TMCO4: variants seen among roughly 807,000 people sequenced by gnomAD.
The protein encoded by TMCO4 is transmembrane and coiled-coil domains 4.
TMCO4 carries 58 observed loss-of-function variants against 64.7 expected under a neutral mutation model. That is an observed-to-expected ratio of 0.90 (90% confidence interval 0.73 to 1.12). TMCO4 has a LOEUF of 1.12. Ranked by LOEUF, TMCO4 falls within the 50% of genes most tolerant of loss-of-function variation. TMCO4 has a pLI of 0.00. For missense variants in TMCO4, 780 were observed against 825.9 expected, an observed-to-expected ratio of 0.94 and a Z score of 0.68; for synonymous variants, 325 against 346.1, an observed-to-expected ratio of 0.94 and a Z score of 0.68.
In TMCO4 at chr1:19,682,818, G is replaced by T; in HGVS notation, c.*222C>A. The T allele has an allele frequency of 1.4e-6, 1 of 733,970 alleles. No individual in the cohort carries two copies. The highest frequency in any genetic ancestry group is 2.5e-6 in the Non-Finnish European group (1 of 406,434). The allele number at this position is 733,970 out of a possible 1,614,324, so 45.5% of individuals were successfully genotyped here. A position where few individuals can be genotyped will look rare whatever the true frequency, so the allele number is the denominator to read the frequency against. The stretch of plus-strand genomic sequence containing the variant: ...CTGATGAGGGGGCAGCTGCTCCCTG[G>T]TGGGGCTCCTCTGGGGACAGGCAGC... On this transcript the variant is annotated 3_prime_UTR_variant, in exon 16 of 16. Transcript: ENST00000294543.
chr1:19,763,082 CTT>C (rs375631458), intron 6 of TMCO4, among the ~76,000 whole-genome samples: 2 of 147,606 alleles, frequency 1.4e-5, no homozygotes, highest in Admixed American at 6.8e-5. Flanking sequence ...TTCTTTTTTT[CTT>C]TTTTTTTTTG....
intron 10 of TMCO4, among the ~76,000 whole-genome samples, chr1:19,742,085 C>T (rs1393024794): frequency 6.6e-6 from 1 of 152,142 alleles, no homozygotes; most frequent in Non-Finnish European, 1.5e-5. Context: ...CTGCCTAAAA[C>T]CCTTCATGAG....
intron 13 of TMCO4, among the ~76,000 whole-genome samples, chr1:19,716,381 C>CTTTTTTTTTTTTTTTTTT (rs1262772167): frequency 2.4e-5 from 3 of 124,472 alleles, no homozygotes; most frequent in Non-Finnish European, 5.0e-5. Flanking sequence ...TTTTTTCTTT[C>CTTTTTTTTTTTTTTTTTT]TTTTTTTTTT....
chr1:19,717,013 C>G (rs2095359962), intron 13 of TMCO4, among the ~76,000 whole-genome samples: 1 of 151,966 alleles, frequency 6.6e-6, no homozygotes, highest in Non-Finnish European at 1.5e-5. Flanking sequence ...ATGGTGAAAC[C>G]CCATCTCTAC....
chr1:19,716,609 A>G (rs1377555624), intron 13 of TMCO4, among the ~76,000 whole-genome samples: 1 of 151,964 alleles, frequency 6.6e-6, no homozygotes, highest in African/African-American at 2.4e-5. Context: ...TGTGGGTGTC[A>G]GACAGGTAAG....
intron 13 of TMCO4, among the ~76,000 whole-genome samples, chr1:19,719,087 G>A (rs575442125): frequency 6.6e-6 from 1 of 152,328 alleles, no homozygotes; most frequent in East Asian, 1.9e-4. Context: ...CGCTGCTGCA[G>A]CCTTCCTGAC....
At chr1:19,782,644 A>C (rs547838725) in intron 3 of TMCO4, among the ~76,000 whole-genome samples, 1 of 151,934 alleles carries the variant, frequency 6.6e-6, no homozygotes, top group Non-Finnish European at 1.5e-5. Flanking sequence ...CAGGGGGAAA[A>C]GGGAAAGGGA....
At chr1:19,795,464 C>T (rs2044262226) in intron 2 of TMCO4, among the ~76,000 whole-genome samples, 1 of 152,014 alleles carries the variant, frequency 6.6e-6, no homozygotes, top group African/African-American at 2.4e-5. Context: ...AAGAGCAAAA[C>T]TCTGTCTCAA....
At chr1:19,787,945 C>A (rs548283022) in intron 2 of TMCO4, among the ~76,000 whole-genome samples, 2 of 152,086 alleles carry the variant, frequency 1.3e-5, no homozygotes, top group South Asian at 2.1e-4. Flanking sequence ...TTAGTAGAGA[C>A]GGGGTTTTGC....
At chr1:19,756,790 G>A (rs1224286644) in intron 6 of TMCO4, among the ~76,000 whole-genome samples, 1 of 151,906 alleles carries the variant, frequency 6.6e-6, no homozygotes, top group African/African-American at 2.4e-5. Flanking sequence ...GCAGGAGCTC[G>A]AGATCAGCCT....
intron 1 of TMCO4, among the ~76,000 whole-genome samples, chr1:19,798,873 G>A (rs2044464343): frequency 6.6e-6 from 1 of 152,216 alleles, no homozygotes; most frequent in Admixed American, 6.5e-5. Context: ...TTTGGTGAAT[G>A]AACAAATGGA....
rs2095113383 is a variant in TMCO4, at chr1:19,682,912, A to G, written c.*128T>C. 7.9e-6 allele frequency: 10 copies of G among 1,260,394 alleles called. No homozygotes were observed. The South Asian group carries it at 1.4e-4, about 18-fold the overall frequency. 78.1% of individuals were successfully genotyped at this position (1,260,394 alleles called of 1,614,324 possible). ...TCCATTTCCTTTCCCTTTCAGTTCC[A>G]ATTCCTTCCATTTAGGAAAGAGGCC... On this transcript the variant is annotated 3_prime_UTR_variant, in exon 16 of 16. Transcript: ENST00000294543.
Position 19,740,776 on chromosome 1 carries a change from C to T in TMCO4, c.1042+1G>A, listed in dbSNP as rs2095475644. 1 of 1,606,658 alleles carries T rather than the reference C, an allele frequency of 6.2e-7. No homozygotes were observed. Among genetic ancestry groups the T allele is most frequent in the East Asian group, 2.2e-5 (1 of 44,784 alleles). ...GTTGGGGGGCAGGTGGGGGCACTTA[C>T]CAGACAACACTGTGTACTTTAGGGC... On this transcript the variant is annotated splice_donor_variant, in intron 11 of 15. Coordinates refer to ENST00000294543, the MANE Select transcript of TMCO4 (RefSeq NM_181719.7). LOFTEE classifies it high-confidence loss of function.
chr1:19,771,611 A>T (rs1178105593), intron 4 of TMCO4, 129 bp from the exon 5 acceptor site: 2 of 891,686 alleles, frequency 2.2e-6, no homozygotes, highest in East Asian at 5.5e-5. Flanking sequence ...TGATCCCTCA[A>T]ATACAGAGGC....
At chr1:19,772,368 AC>A (rs139448568) in intron 4 of TMCO4, among the ~76,000 whole-genome samples, 2,361 of 152,256 alleles carry the variant, frequency 0.016, 66 homozygotes, top group African/African-American at 0.054. Context: ...AGTGCCCTCC[AC>A]GTGCACTGCC....
intron 14 of TMCO4, among the ~76,000 whole-genome samples, chr1:19,698,297 CG>C (rs2095249955): frequency 6.6e-6 from 1 of 152,130 alleles, no homozygotes; most frequent in South Asian, 2.1e-4. Flanking sequence ...ACAAGGAGCC[CG>C]CCTGAGGACT....
At chr1:19,793,004 A>G (rs532576027) in intron 2 of TMCO4, among the ~76,000 whole-genome samples, 14 of 152,152 alleles carry the variant, frequency 9.2e-5, no homozygotes, top group Middle Eastern at 3.4e-3. Flanking sequence ...CACCTGGCTC[A>G]AGTGATCCTG....
At chr1:19,767,225 T>C (rs528702788) in intron 6 of TMCO4, among the ~76,000 whole-genome samples, 1 of 152,162 alleles carries the variant, frequency 6.6e-6, no homozygotes, top group South Asian at 2.1e-4. Flanking sequence ...TGGGCCTCGG[T>C]TTGTTCATCT....
intron 13 of TMCO4, among the ~76,000 whole-genome samples, chr1:19,720,191 A>G (rs1204308803): frequency 6.6e-6 from 1 of 151,920 alleles, no homozygotes; most frequent in Non-Finnish European, 1.5e-5. Flanking sequence ...TAATAGAGAT[A>G]GGGATCTTGC....
Sources: allele counts gnomAD v4.1 joint callset (sites outside exome capture counted in the v4.1 genomes callset), GRCh38; gene constraint gnomAD v4.1.1; transcripts MANE v1.5; gene names NCBI Gene and HGNC (gene_info 2026-07-23, HGNC 2026-07-21).